Variants in UNC45A observed in about 807,000 individuals in gnomAD.
The protein encoded by UNC45A is protein unc-45 homolog A.
Under a neutral mutation model 103.2 loss-of-function variants are expected in UNC45A, and 78 were observed. The observed-to-expected ratio is 0.76, with a 90% CI of 0.63 to 0.91. UNC45A has a LOEUF of 0.91. Ranked by LOEUF, UNC45A falls within the 40% of genes least tolerant of loss-of-function variation. UNC45A has a pLI of 0.00. For missense variants in UNC45A, 1,193 were observed against 1,224.8 expected, an observed-to-expected ratio of 0.97 and a Z score of 0.39; for synonymous variants, 495 against 504.6, an observed-to-expected ratio of 0.98 and a Z score of 0.25.
intron 15 of UNC45A, 186 bp from the exon 16 acceptor site, chr15:90,949,968 C>T: frequency 1.5e-6 from 1 of 676,134 alleles, no homozygotes; most frequent in South Asian, 1.8e-5. Context: ...CCCTGGTGCT[C>T]AGCACAATCC....
rs543283612 is a variant in UNC45A, at chr15:90,938,852, A to C, written c.427-879A>C. Among the ~76,000 whole-genome samples, 6 of 149,814 alleles carry C rather than the reference A, an allele frequency of 4.0e-5. No individual in the cohort carries two copies. The East Asian group carries it at 1.2e-3, about 30-fold the overall frequency. On this transcript the variant is annotated intron_variant, in intron 4 of 19. Transcript: ENST00000418476. ...ACACCTGGCTAATTTTTATATTTTT[A>C]GTAGAGACGGGGTTTCACCATGTTG...
rs1423855623 is a variant in UNC45A at position 90,935,638 on chromosome 15, G to T, written c.146G>T (p.Gly49Val). The T allele has an allele frequency of 6.2e-7, 1 of 1,612,350 alleles. No individual in the cohort carries two copies. The highest frequency in any genetic ancestry group is 1.1e-5 in the South Asian group (1 of 90,854). The change falls in exon 2 of 20, where the codon GGT becomes GTT. Residue 49 changes from glycine (G) to valine (V), a missense_variant. Transcript: ENST00000418476. ...GALAAYTQAL[G>V]LDATPQDQAV... ...CTGGCGGCCTACACTCAGGCCCTGGGTCTGGACGCGACGCCCCAGGACCAG... is the reference window on the plus strand; with the variant it reads ...CTGGCGGCCTACACTCAGGCCCTGGTTCTGGACGCGACGCCCCAGGACCAG...
chr15:90,950,565 C>A lies in UNC45A; in HGVS notation c.2253C>A (p.Phe751Leu), dbSNP rs189500978. 1.9e-6 allele frequency: 3 copies of A among 1,614,190 alleles called. No homozygotes were observed. Among genetic ancestry groups the A allele is most frequent in the Non-Finnish European group, 2.5e-6 (3 of 1,180,028 alleles). The part of the protein sequence containing the change: ...LHLNCSGLQN[F>L]EALMALTNLA... ...TCAACTGCTCAGGCCTGCAGAACTT[C>A]GAGGCGCTCATGGCCCTAACAAACC... The change falls in exon 17 of 20, where the codon TTC (phenylalanine) becomes TTA (leucine). Residue 751 changes from phenylalanine to leucine, a missense_variant. By Grantham distance (22) the Phe-to-Leu change is conservative. Coordinates refer to ENST00000418476, the MANE Select transcript of UNC45A (RefSeq NM_018671.5).
At chr15:90,953,417 G>A (rs1346579683) in intron 19 of UNC45A, 42 bp from the exon 20 acceptor site, 1 of 1,607,390 alleles carries the variant, frequency 6.2e-7, no homozygotes, top group East Asian at 2.2e-5. Context: ...CCAAGGTTGA[G>A]CCTGTTGCCC....
chr15:90,947,148 C>T, intron 10 of UNC45A: 1 of 549,398 alleles, frequency 1.8e-6, no homozygotes, highest in Non-Finnish European at 3.3e-6. Context: ...ACGCATGTCA[C>T]TGCACTCCTG....
chr15:90,931,913 G>GT (rs1195023573), upstream of UNC45A: 3 of 1,613,954 alleles, frequency 1.9e-6, no homozygotes, highest in Middle Eastern at 3.3e-4. Flanking sequence ...GGTGGTGTCT[G>GT]TGTCCTCCAC....
At position 90,935,314 on chromosome 15, in the gene UNC45A, A is replaced by C. The variant is rs17635974; in HGVS notation, c.-11A>C. On this transcript the variant is annotated 5_prime_UTR_variant, in exon 1 of 20. Coordinates refer to ENST00000418476, the MANE Select transcript of UNC45A (RefSeq NM_018671.5). Reference sequence around the variant, plus strand: ...ACTGCGCCTGCGCGGGCACGAGACAACCTCTCCGCGATGACTGTGAGTGGT... The same window carrying C: ...ACTGCGCCTGCGCGGGCACGAGACACCCTCTCCGCGATGACTGTGAGTGGT... 453,769 of 1,597,594 alleles carry C rather than the reference A, an allele frequency of 0.28. 67,385 individuals are homozygous for C. Among genetic ancestry groups the C allele is most frequent in the East Asian group, 0.58 (25,450 of 44,082 alleles).
rs190106314 is a variant in UNC45A at position 90,943,766 on chromosome 15, G to A, written c.1027+684G>A. Among the ~76,000 whole-genome samples the A allele has an allele frequency of 1.2e-4, 18 of 151,616 alleles. 1 individual carries two copies. In the East Asian group the frequency reaches 3.2e-3, roughly 27 times the overall value. On this transcript the variant is annotated intron_variant, in intron 8 of 19. Coordinates refer to ENST00000418476, the MANE Select transcript of UNC45A (RefSeq NM_018671.5). ...TGCAGTGGCGCGATCTCAGCTCACTGCAGCCTCCGTTTCCCGGGTTCAAGC... is the reference window on the plus strand; with the variant it reads ...TGCAGTGGCGCGATCTCAGCTCACTACAGCCTCCGTTTCCCGGGTTCAAGC...
rs144297073 is a variant in UNC45A, at chr15:90,944,948, G to C, written c.1084G>C (p.Ala362Pro). Residue 362 changes from alanine to proline, a missense_variant, in exon 9 of 20, where the codon GCA becomes CCA. By Grantham distance (27) the Ala-to-Pro change is conservative (BLOSUM62 -1). Coordinates refer to ENST00000418476, the MANE Select transcript of UNC45A (RefSeq NM_018671.5). Reference protein sequence around the residue: ...GSLQDPPGELAVTANSRMSAS... With the variant: ...GSLQDPPGELPVTANSRMSAS... Reference sequence around the variant, plus strand: ...TCTACAGGACCCTCCTGGGGAGCTCGCAGTGACCGCAAACAGCCGCATGAG... The same window carrying C: ...TCTACAGGACCCTCCTGGGGAGCTCCCAGTGACCGCAAACAGCCGCATGAG... The C allele has an allele frequency of 1.9e-6, 3 of 1,612,584 alleles. No individual in the cohort carries two copies. The highest frequency in any genetic ancestry group is 2.5e-6 in the Non-Finnish European group (3 of 1,180,034).
Position 90,948,705 on chromosome 15 carries a change from A to G in UNC45A, c.1789A>G (p.Thr597Ala). 6.2e-7 allele frequency: 1 copy of G among 1,614,022 alleles called. No homozygotes were observed. The highest frequency in any genetic ancestry group is 8.5e-7 in the Non-Finnish European group (1 of 1,180,006). ...FAVASALVNCTNSYDYEEPDP... is the reference protein window; with the variant it reads ...FAVASALVNCANSYDYEEPDP... ...GGTGGCCTCAGCGCTGGTGAACTGC[A>G]CCAACAGCTATGACTACGAGGAGCC... The change falls in exon 13 of 20, where the codon ACC becomes GCC. Residue 597 changes from threonine to alanine, a missense_variant. Thr to Ala is a moderately conservative substitution (Grantham distance 58). Coordinates refer to ENST00000418476, the MANE Select transcript of UNC45A (RefSeq NM_018671.5).
chr15:90,952,869 A>G (rs945309133), intron 17 of UNC45A, 60 bp from the exon 18 acceptor site: 1 of 1,494,774 alleles, frequency 6.7e-7, no homozygotes. Flanking sequence ...GTTCAACATG[A>G]GGGTTAGAAG....
chr15:90,951,015 T>G (rs2036877663), intron 17 of UNC45A, among the ~76,000 whole-genome samples: 1 of 152,194 alleles, frequency 6.6e-6, no homozygotes, highest in South Asian at 2.1e-4. Flanking sequence ...TTTTAGTTTT[T>G]TTTTTTCTTT....
chr15:90,931,228 G>T (rs1250393905), upstream of UNC45A: 1 of 1,546,950 alleles, frequency 6.5e-7, no homozygotes, highest in Non-Finnish European at 8.7e-7. Context: ...ATCCTGTCCG[G>T]CCTGAACGAG....
chr15:90,932,217 G>A (rs571363310), upstream of UNC45A: 4 of 1,238,880 alleles, frequency 3.2e-6, no homozygotes, highest in South Asian at 6.1e-5. Flanking sequence ...CTGACTAGCT[G>A]GGTGACCTTG....
At position 90,948,249 on chromosome 15, in the gene UNC45A, C is replaced by T. The variant is rs767840945; in HGVS notation, c.1703C>T (p.Ala568Val). 13 of 1,613,882 alleles carry T rather than the reference C, an allele frequency of 8.1e-6. No individual in the cohort carries two copies. The Admixed American group carries it at 1.0e-4, about 12-fold the overall frequency. The change falls in exon 12 of 20, where the codon GCG becomes GTG. Residue 568 changes from alanine to valine, a missense_variant. By Grantham distance (64) the Ala-to-Val change is moderately conservative (BLOSUM62 0). Transcript: ENST00000418476. ...GTGAAGGAAGAGTTTGTGGAGGATG[C>T]GGCTGCTCTGAAAGCTCTGTTCCAG... ...ADVKEEFVED[A>V]AALKALFQLS...
At chr15:90,949,806 G>T in intron 15 of UNC45A, 86 bp downstream of exon 15, 1 of 1,367,428 alleles carries the variant, frequency 7.3e-7, no homozygotes, top group Non-Finnish European at 1.0e-6. Context: ...AGAGCTGGGT[G>T]TTAGATATGG....
intron 10 of UNC45A, chr15:90,947,568 G>A (rs2036637918): frequency 8.8e-6 from 5 of 567,344 alleles, no homozygotes; most frequent in East Asian, 2.9e-5. Flanking sequence ...ACTGTCCAGC[G>A]GCCAGCGCAT....
At chr15:90,932,331 C>T, upstream of UNC45A, 2 of 833,678 alleles carry the variant, frequency 2.4e-6, no homozygotes, top group South Asian at 4.1e-5. Flanking sequence ...AAGCTTGGGA[C>T]AAAACAGGTG....
chr15:90,947,452 C>T (rs879697476), intron 10 of UNC45A: 9 of 328,144 alleles, frequency 2.7e-5, no homozygotes, highest in Non-Finnish European at 4.1e-5. Context: ...AAGCACCTGT[C>T]CTCTCCCCAC....
Sources: gnomAD v4.1 joint callset for allele counts (sites outside exome capture counted in the v4.1 genomes callset) on GRCh38, gnomAD v4.1.1 for gene constraint, MANE v1.5 for transcripts, NCBI Gene and HGNC (gene_info 2026-07-23, HGNC 2026-07-21) for gene names.